UGT1A4: variants seen among roughly 807,000 people sequenced by gnomAD.
The protein encoded by UGT1A4 is UDP glucuronosyltransferase family 1 member A4, also known as UDP-glucuronosyltransferase 1A4.
In UGT1A4, 32 loss-of-function variants were observed where a neutral mutation model predicts 41.1. That is an observed-to-expected ratio of 0.78 (90% CI 0.59 to 1.05). UGT1A4 has a LOEUF of 1.05. Among genes scored for constraint, UGT1A4 ranks in the 50% least tolerant of loss-of-function variants. UGT1A4 has a pLI of 0.00. For missense variants in UGT1A4, 748 were observed against 677.4 expected (o/e 1.10, Z -1.16); for synonymous variants, 283 against 265.1 (o/e 1.07, Z -0.66).
intron 1 of UGT1A4, among the ~76,000 whole-genome samples, chr2:233,762,133 C>T (rs1697980653): frequency 6.6e-6 from 1 of 152,096 alleles, no homozygotes. Flanking sequence ...ATGTGGGGAC[C>T]TGTGTGACTT....
At position 233,718,793 on chromosome 2, in the gene UGT1A4, C is replaced by T; in HGVS notation, c.-28C>T. 2 of 1,613,146 alleles carry T rather than the reference C, an allele frequency of 1.2e-6. No homozygotes were observed. The highest frequency in any genetic ancestry group is 1.7e-6 in the Non-Finnish European group (2 of 1,179,996). ...TGTAGCAGGCACAGCGTGGGGTGGA[C>T]AGTCAGCTGTCGGTGGCTTCTGCTG... On this transcript the variant is annotated 5_prime_UTR_variant, in exon 1 of 5. Coordinates refer to ENST00000373409, the MANE Select transcript of UGT1A4 (RefSeq NM_007120.3).
intron 1 of UGT1A4, among the ~76,000 whole-genome samples, chr2:233,738,281 T>C (rs1690748430): frequency 6.6e-6 from 1 of 152,228 alleles, no homozygotes; most frequent in Non-Finnish European, 1.5e-5. Context: ...CCTTTATAAA[T>C]TACCCAGTCT....
At chr2:233,748,959 T>A (rs1217481897) in intron 1 of UGT1A4, among the ~76,000 whole-genome samples, 1 of 151,598 alleles carries the variant, frequency 6.6e-6, no homozygotes, top group African/African-American at 2.4e-5. Flanking sequence ...CACTCCAAGT[T>A]TCTATAGTGG....
At position 233,719,008 on chromosome 2, in the gene UGT1A4, C is replaced by T. The variant is rs775074896; in HGVS notation, c.188C>T (p.Pro63Leu). ...ARGHQAVVLT[P>L]EVNMHIKEEK... ...GGCCACCAGGCGGTGGTCCTCACCC[C>T]AGAGGTGAATATGCACATCAAAGAA... The change falls in exon 1 of 5, where the codon CCA (proline) becomes CTA (leucine). Residue 63 changes from proline to leucine, a missense_variant. Transcript: ENST00000373409. The T allele has an allele frequency of 2.7e-5, 43 of 1,614,048 alleles. No homozygotes were observed. Among genetic ancestry groups the T allele is most frequent in the Admixed American group, 2.5e-4 (15 of 60,012 alleles).
chr2:233,770,355 G>C (rs1271934216), intron 4 of UGT1A4: 2 of 152,122 alleles, frequency 1.3e-5, no homozygotes, highest in African/African-American at 4.8e-5. Flanking sequence ...ACTATTGAAT[G>C]AATGAATGAA....
At chr2:233,751,878 G>C (rs139907629) in intron 1 of UGT1A4, among the ~76,000 whole-genome samples, 11 of 152,224 alleles carry the variant, frequency 7.2e-5, no homozygotes, top group African/African-American at 2.4e-4. Flanking sequence ...CCCCGTCTTG[G>C]GTATGTCTTT....
At position 233,773,233 on chromosome 2, in the gene UGT1A4, G is replaced by A. The variant is rs1473113676; in HGVS notation, c.*674G>A. 1 of 152,016 alleles carries A rather than the reference G, an allele frequency of 6.6e-6. No homozygotes were observed. The highest frequency in any genetic ancestry group is 1.5e-5 in the Non-Finnish European group (1 of 67,958). The allele number at this position is 152,016 out of a possible 1,614,324, so 9.4% of individuals were successfully genotyped here. ...CCCAAAATACAGCTATGAAGTGCTGGGCAAGTTTACTTTTTTTCTGATGTT... is the reference window on the plus strand; with the variant it reads ...CCCAAAATACAGCTATGAAGTGCTGAGCAAGTTTACTTTTTTTCTGATGTT... On this transcript the variant is annotated 3_prime_UTR_variant, in exon 5 of 5. Transcript: ENST00000373409.
chr2:233,725,119 T>G (rs1275718830), intron 1 of UGT1A4, among the ~76,000 whole-genome samples: 3 of 139,294 alleles, frequency 2.2e-5, no homozygotes. Flanking sequence ...GAGGTTGCAG[T>G]GAGCCGAGAT....
chr2:233,769,591 A>G lies in UGT1A4; in HGVS notation c.1307+1152A>G. ...CTGGAGCATGTTCAGATGAGAGGAGACGGAACACGGGGACACACCAGCTTG... is the reference window on the plus strand; with the variant it reads ...CTGGAGCATGTTCAGATGAGAGGAGGCGGAACACGGGGACACACCAGCTTG... On this transcript the variant is annotated intron_variant, in intron 4 of 4. Transcript: ENST00000373409. The surrounding 1 kb of genome is among the most constrained non-coding windows in gnomAD (Gnocchi z 4.4). The G allele has an allele frequency of 6.2e-7, 1 of 1,612,772 alleles. No individual in the cohort carries two copies. The highest frequency in any genetic ancestry group is 8.5e-7 in the Non-Finnish European group (1 of 1,179,866).
chr2:233,760,293 T>A (rs1359528738), intron 1 of UGT1A4: 1 of 1,613,450 alleles, frequency 6.2e-7, no homozygotes, highest in South Asian at 1.1e-5. Flanking sequence ...GCGCCATGGC[T>A]GTGGAGTCCC....
chr2:233,726,371 C>A (rs1294856696), intron 1 of UGT1A4, among the ~76,000 whole-genome samples: 2 of 152,074 alleles, frequency 1.3e-5, no homozygotes, highest in African/African-American at 4.8e-5. Flanking sequence ...ACAACAAAAA[C>A]CAAAATTGCT....
At chr2:233,738,244 T>C (rs1690738157) in intron 1 of UGT1A4, among the ~76,000 whole-genome samples, 1 of 152,224 alleles carries the variant, frequency 6.6e-6, no homozygotes, top group Non-Finnish European at 1.5e-5. Context: ...TCCAGCCACA[T>C]GGAACTGGAG....
At chr2:233,744,603 G>A (rs894598694) in intron 1 of UGT1A4, among the ~76,000 whole-genome samples, 6 of 151,902 alleles carry the variant, frequency 3.9e-5, no homozygotes, top group African/African-American at 9.7e-5. Context: ...TCTCTCTTTA[G>A]TACTTGGCTC....
chr2:233,766,745 T>C (rs1337689607), intron 1 of UGT1A4, among the ~76,000 whole-genome samples: 1 of 152,196 alleles, frequency 6.6e-6, no homozygotes, highest in Non-Finnish European at 1.5e-5. Flanking sequence ...TGTACAGGTG[T>C]GTGCATGTGT....
At chr2:233,759,599 A>ACC (rs1553620419) in intron 1 of UGT1A4, among the ~76,000 whole-genome samples, 7 of 108,662 alleles carry the variant, frequency 6.4e-5, no homozygotes, top group Admixed American at 1.0e-4. Context: ...CCCACCCCCG[A>ACC]CCCGCCCCAC....
chr2:233,763,577 T>C (rs1698349758), intron 1 of UGT1A4, among the ~76,000 whole-genome samples: 1 of 152,236 alleles, frequency 6.6e-6, no homozygotes, highest in African/African-American at 2.4e-5. Context: ...TATTTTCTCT[T>C]TCTTCCTTTG....
rs1334385335 is a variant in UGT1A4, at chr2:233,718,891, C to A, written c.71C>A (p.Pro24His). 1 of 1,613,996 alleles carries A rather than the reference C, an allele frequency of 6.2e-7. No individual in the cohort carries two copies. The highest frequency in any genetic ancestry group is 2.2e-5 in the East Asian group (1 of 44,886). Reference sequence around the variant, plus strand: ...CTGCTGCTCCTCCTCAGTGTCCAGCCCTGGGCTGAGAGTGGAAAGGTGTTG... The same window carrying A: ...CTGCTGCTCCTCCTCAGTGTCCAGCACTGGGCTGAGAGTGGAAAGGTGTTG... ...TGLLLLLSVQ[P>H]WAESGKVLVV... The change falls in exon 1 of 5, where the codon CCC becomes CAC. Residue 24 changes from proline (P) to histidine (H), a missense_variant. Pro to His is a moderately conservative substitution (Grantham distance 77). Transcript: ENST00000373409.
chr2:233,746,760 G>A (rs1693469059), intron 1 of UGT1A4, among the ~76,000 whole-genome samples: 1 of 151,816 alleles, frequency 6.6e-6, no homozygotes, highest in South Asian at 2.1e-4. Context: ...AGATTAATTG[G>A]ATTGCTTAGT....
chr2:233,772,311 G>T lies in UGT1A4; in HGVS notation c.1357G>T (p.Val453Leu), dbSNP rs587784536. 12 of 1,614,228 alleles carry T rather than the reference G, an allele frequency of 7.4e-6. No homozygotes were observed. In the Admixed American group the frequency reaches 1.5e-4, roughly 20 times the overall value. Residue 453 changes from valine (V) to leucine (L), a missense_variant, in exon 5 of 5, where the codon GTG becomes TTG. Transcript: ENST00000373409. ...RLSSLHKDRP[V>L]EPLDLAVFWV... ...CTCCAGCCTTCACAAGGACCGCCCG[G>T]TGGAGCCGCTGGACCTGGCCGTGTT...
Sources: allele counts gnomAD v4.1 joint callset (sites outside exome capture counted in the v4.1 genomes callset), GRCh38; gene constraint gnomAD v4.1.1; non-coding constraint Gnocchi (gnomAD v3.1); transcripts MANE v1.5; gene names NCBI Gene and HGNC (gene_info 2026-07-23, HGNC 2026-07-21).